The following IFT43 variants were observed in gnomAD, a reference collection of about 807,000 sequenced individuals.
IFT43 encodes intraflagellar transport 43, also known as intraflagellar transport protein 43 homolog.
IFT43 carries 33 observed loss-of-function variants against 32.3 expected under a neutral mutation model. The observed-to-expected ratio is 1.02, with a 90% CI of 0.77 to 1.37. IFT43 has a LOEUF of 1.37. IFT43 is among the 40% of genes most tolerant of loss of function. IFT43 has a pLI of 0.00. For missense variants in IFT43, 274 were observed against 265.9 expected, an observed-to-expected ratio of 1.03 and a Z score of -0.21; for synonymous variants, 93 against 98.2, an observed-to-expected ratio of 0.95 and a Z score of 0.31.
At chr14:76,073,974 A>T (rs951948694) in intron 5 of IFT43, among the ~76,000 whole-genome samples, 9 of 152,206 alleles carry the variant, frequency 5.9e-5, no homozygotes, top group African/African-American at 2.4e-5. Context: ...TGTCACCAGC[A>T]GTGGCCTTGT....
chr14:76,013,145 G>T (rs979106248), intron 2 of IFT43, among the ~76,000 whole-genome samples: 11 of 152,202 alleles, frequency 7.2e-5, no homozygotes, highest in Admixed American at 3.9e-4. Flanking sequence ...TAAGTTTTTA[G>T]CTTCAGTGAT....
chr14:76,026,552 CAAAAA>C (rs58799745), intron 3 of IFT43, among the ~76,000 whole-genome samples: 1 of 84,460 alleles, frequency 1.2e-5, no homozygotes, highest in Admixed American at 1.3e-4. Context: ...GAGTGAAACT[CAAAAA>C]AAAAAAAAAA....
At chr14:76,005,444 A>T (rs546371583) in intron 2 of IFT43, among the ~76,000 whole-genome samples, 16 of 152,016 alleles carry the variant, frequency 1.1e-4, no homozygotes, top group African/African-American at 3.6e-4. Context: ...CAAACTCCAA[A>T]CTCTGCCTCC....
intron 3 of IFT43, among the ~76,000 whole-genome samples, chr14:76,037,300 T>C (rs1387085641): frequency 1.3e-5 from 2 of 152,212 alleles, no homozygotes; most frequent in Admixed American, 1.3e-4. Flanking sequence ...AGGTGTCCGG[T>C]CATTCCACTT....
chr14:76,066,119 C>G (rs888780287), intron 5 of IFT43, among the ~76,000 whole-genome samples: 2 of 152,222 alleles, frequency 1.3e-5, no homozygotes, highest in Non-Finnish European at 2.9e-5. Context: ...TTAATGTCAG[C>G]TTCCAGATTT....
intron 5 of IFT43, among the ~76,000 whole-genome samples, chr14:76,079,047 A>G (rs1487492644): frequency 6.6e-6 from 1 of 152,198 alleles, no homozygotes; most frequent in Non-Finnish European, 1.5e-5. Flanking sequence ...TAAGTTTCAC[A>G]GGACATTACG....
At chr14:76,082,430 C>A in intron 6 of IFT43, 63 bp downstream of exon 6, 1 of 1,194,960 alleles carries the variant, frequency 8.4e-7, no homozygotes, top group Non-Finnish European at 1.2e-6. Flanking sequence ...CTCCAGATAT[C>A]ATCTATAGTG....
At chr14:76,026,219 C>T (rs1460513409) in intron 3 of IFT43, among the ~76,000 whole-genome samples, 1 of 152,172 alleles carries the variant, frequency 6.6e-6, no homozygotes, top group East Asian at 1.9e-4. Flanking sequence ...ATCAAAACCA[C>T]AATGAGATAC....
intron 2 of IFT43, among the ~76,000 whole-genome samples, chr14:76,011,393 G>C (rs2036082556): frequency 6.6e-6 from 1 of 152,210 alleles, no homozygotes. Context: ...CAGATGAATG[G>C]TTTAGGCAGG....
At chr14:76,056,562 G>A (rs537385756) in intron 3 of IFT43, among the ~76,000 whole-genome samples, 4 of 152,174 alleles carry the variant, frequency 2.6e-5, no homozygotes, top group Admixed American at 1.3e-4. Flanking sequence ...GGAACGATTC[G>A]GTCATAACTC....
downstream of IFT43, chr14:76,084,060 G>A (rs140187718): frequency 6.0e-5 from 27 of 446,528 alleles, no homozygotes; most frequent in East Asian, 6.3e-4. Context: ...GGGAGGAGGC[G>A]GCGGGAGGGA....
intron 2 of IFT43, among the ~76,000 whole-genome samples, chr14:75,993,236 A>C (rs1257577138): frequency 6.6e-6 from 1 of 152,210 alleles, no homozygotes; most frequent in African/African-American, 2.4e-5. Context: ...TATGTGATCC[A>C]TACAGGGTTA....
chr14:76,054,282 T>C (rs1316136087), intron 3 of IFT43, among the ~76,000 whole-genome samples: 1 of 152,210 alleles, frequency 6.6e-6, no homozygotes, highest in African/African-American at 2.4e-5. Context: ...CAATTTGCTG[T>C]CTATACCATA....
intron 2 of IFT43, chr14:76,014,052 C>T: frequency 3.9e-6 from 1 of 257,930 alleles, no homozygotes; most frequent in Non-Finnish European, 8.2e-6. Flanking sequence ...TTCGGGCTGA[C>T]CTAGCTGAAG....
chr14:75,986,089 A>G, intron 1 of IFT43: 1 of 1,465,754 alleles, frequency 6.8e-7, no homozygotes, highest in Non-Finnish European at 9.1e-7. Context: ...GGCGTCTAGG[A>G]CCGTGGGAAA....
intron 3 of IFT43, among the ~76,000 whole-genome samples, chr14:76,027,700 C>G (rs1057323695): frequency 7.9e-6 from 1 of 126,518 alleles, no homozygotes; most frequent in Non-Finnish European, 1.7e-5. Flanking sequence ...CAGAGTGAGA[C>G]TGTCTCAAAA....
chr14:76,078,213 AG>A (rs1396627662), intron 5 of IFT43, among the ~76,000 whole-genome samples: 1 of 152,222 alleles, frequency 6.6e-6, no homozygotes, highest in Non-Finnish European at 1.5e-5. Context: ...GATTACTTCT[AG>A]GGAGATGACT....
chr14:76,082,572 A>T (rs1426173158), intron 6 of IFT43, 45 bp from the exon 7 acceptor site: 2 of 1,612,174 alleles, frequency 1.2e-6, no homozygotes, highest in South Asian at 2.2e-5. Context: ...CTCCTGGAAC[A>T]GGTCCTGCCT....
At chr14:76,074,414 C>A (rs1411288040) in intron 5 of IFT43, among the ~76,000 whole-genome samples, 1 of 152,184 alleles carries the variant, frequency 6.6e-6, no homozygotes, top group Non-Finnish European at 1.5e-5. Context: ...GGACTCCGTT[C>A]TTCGTTTCCT....
Sources: gnomAD v4.1 joint callset for allele counts (sites outside exome capture counted in the v4.1 genomes callset) on GRCh38, gnomAD v4.1.1 for gene constraint, MANE v1.5 for transcripts, NCBI Gene and HGNC (gene_info 2026-07-23, HGNC 2026-07-21) for gene names.